PRIMA1: variants seen among roughly 807,000 people sequenced by gnomAD.
The protein encoded by PRIMA1 is proline rich membrane anchor 1.
A neutral mutation model predicts 17.5 loss-of-function variants in PRIMA1; 7 were observed. The ratio of observed to expected loss-of-function variants is 0.40; its 90% CI spans 0.23 to 0.75. PRIMA1 has a LOEUF of 0.75. Ranked by LOEUF, PRIMA1 falls within the 30% of genes least tolerant of loss-of-function variation. The probability of loss-of-function intolerance (pLI) is 0.37; values close to 1 mark genes in which losing one functional copy is unlikely to be tolerated. For missense variants in PRIMA1, 200 were observed against 201.8 expected, an observed-to-expected ratio of 0.99 and a Z score of 0.05; for synonymous variants, 97 against 77.9, an observed-to-expected ratio of 1.25 and a Z score of -1.29.
intron 3 of PRIMA1, among the ~76,000 whole-genome samples, chr14:93,759,207 C>G (rs986133808): frequency 1.3e-5 from 2 of 152,130 alleles, no homozygotes; most frequent in Non-Finnish European, 2.9e-5. Flanking sequence ...CTCAGCGGGT[C>G]TCTATTGGCT....
chr14:93,770,717 C>T lies in PRIMA1; in HGVS notation c.229+8459G>A, dbSNP rs143111953. Among the ~76,000 whole-genome samples, 475 of 152,280 alleles carry T rather than the reference C, an allele frequency of 3.1e-3. 2 individuals carry two copies. Among genetic ancestry groups the T allele is most frequent in the African/African-American group, 0.011 (456 of 41,542 alleles). On this transcript the variant is annotated intron_variant, in intron 3 of 4. Transcript: ENST00000393140. ...TTATTTCCTATACCACCATCCCATG[C>T]CCCCTCCCGCGCACACACAGAGCAA...
chr14:93,770,794 G>T (rs560118198), intron 3 of PRIMA1, among the ~76,000 whole-genome samples: 54 of 152,246 alleles, frequency 3.5e-4, no homozygotes, highest in African/African-American at 1.3e-3. Context: ...TCCACCACTA[G>T]ATTCCCAGCA....
At chr14:93,769,228 G>A (rs10148206) in intron 3 of PRIMA1, among the ~76,000 whole-genome samples, 90,992 of 152,018 alleles carry the variant, frequency 0.6, 29,548 homozygotes, top group Middle Eastern at 0.76. Flanking sequence ...ACAGTGACGA[G>A]AGATCTCATT....
chr14:93,769,383 C>T (rs540175529), intron 3 of PRIMA1, among the ~76,000 whole-genome samples: 4 of 152,328 alleles, frequency 2.6e-5, no homozygotes, highest in Non-Finnish European at 4.4e-5. Flanking sequence ...CTGGCCTGGC[C>T]TCCAGGCCCT....
chr14:93,725,171 A>G (rs139257757), intron 4 of PRIMA1, among the ~76,000 whole-genome samples: 4 of 150,536 alleles, frequency 2.7e-5, no homozygotes. Flanking sequence ...GAAAGCAGGC[A>G]GAGGGGCTTG....
Position 93,719,792 on chromosome 14 carries a change from A to G in PRIMA1, c.*1652T>C, listed in dbSNP as rs912025359. 6.6e-6 allele frequency: 1 copy of G among 152,250 alleles called. No homozygotes were observed. The highest frequency in any genetic ancestry group is 2.4e-5 in the African/African-American group (1 of 41,318). The allele number at this position is 152,250 out of a possible 1,614,324, so 9.4% of individuals were successfully genotyped here. On this transcript the variant is annotated 3_prime_UTR_variant, in exon 5 of 5. Transcript: ENST00000393140. ...CAGGGGAAGCAAAATTCAAATCTAA[A>G]CCCCAAACAAGTCCTCAAATAGAAG...
chr14:93,744,315 T>C (rs2076202833), intron 3 of PRIMA1, among the ~76,000 whole-genome samples: 1 of 152,208 alleles, frequency 6.6e-6, no homozygotes, highest in Non-Finnish European at 1.5e-5. Context: ...CTGCGGTGCC[T>C]GCTCCCACAC....
chr14:93,762,109 GC>G (rs1884750366), intron 3 of PRIMA1, among the ~76,000 whole-genome samples: 1 of 152,190 alleles, frequency 6.6e-6, no homozygotes, highest in South Asian at 2.1e-4. Context: ...CCAGGAGGCA[GC>G]TTGGGGACAC....
Position 93,780,640 on chromosome 14 carries a change from C to A in PRIMA1, c.94-1329G>T, listed in dbSNP as rs748510132. ...AAAAATACCCATGCCTGAGCCACACCGATTAAATCAAAATTTTGCAGGTGG... is the reference window on the plus strand; with the variant it reads ...AAAAATACCCATGCCTGAGCCACACAGATTAAATCAAAATTTTGCAGGTGG... On this transcript the variant is annotated intron_variant, in intron 2 of 4. Transcript: ENST00000393140. Among the ~76,000 whole-genome samples, 10 of 151,998 alleles carry A rather than the reference C, an allele frequency of 6.6e-5. No individual in the cohort carries two copies. In the East Asian group the frequency reaches 1.7e-3, roughly 26 times the overall value.
At chr14:93,746,940 G>A (rs559972523) in intron 3 of PRIMA1, among the ~76,000 whole-genome samples, 190 of 152,306 alleles carry the variant, frequency 1.2e-3, no homozygotes, top group African/African-American at 4.0e-3. Flanking sequence ...GCTTTGGGAC[G>A]GGTGTGGAGG....
intron 4 of PRIMA1, among the ~76,000 whole-genome samples, chr14:93,734,114 T>C (rs2076133267): frequency 6.6e-6 from 1 of 152,214 alleles, no homozygotes; most frequent in Non-Finnish European, 1.5e-5. Context: ...CTCTGGACTA[T>C]GAAGACCTCG....
At chr14:93,744,427 C>T (rs2076203673) in intron 3 of PRIMA1, among the ~76,000 whole-genome samples, 1 of 152,250 alleles carries the variant, frequency 6.6e-6, no homozygotes, top group South Asian at 2.1e-4. Context: ...AGGGCGTCCA[C>T]CTCCTATGGC....
rs781634485 is a variant in PRIMA1 at position 93,721,454 on chromosome 14, G to C, written c.452C>G (p.Ala151Gly). The C allele has an allele frequency of 5.6e-6, 9 of 1,610,878 alleles. No homozygotes were observed. The highest frequency in any genetic ancestry group is 7.6e-6 in the Non-Finnish European group (9 of 1,177,268). ...CCAGGGCCTGCAGACTCACACCACT[G>C]CGTTGTTCACGTCTACTCCTTTGTT... ...QSNKGVDVNN[A>G]VV The change falls in exon 5 of 5, where the codon GCA becomes GGA. Residue 151 changes from alanine (A) to glycine (G), a missense_variant. By Grantham distance (60) the Ala-to-Gly change is moderately conservative. Coordinates refer to ENST00000393140, the MANE Select transcript of PRIMA1 (RefSeq NM_178013.4).
intron 3 of PRIMA1, among the ~76,000 whole-genome samples, chr14:93,774,120 A>G (rs1885142287): frequency 1.3e-5 from 2 of 152,208 alleles, no homozygotes; most frequent in Non-Finnish European, 2.9e-5. Context: ...TTCATAGTAA[A>G]TTAGAACAAA....
intron 4 of PRIMA1, among the ~76,000 whole-genome samples, chr14:93,736,569 C>T (rs1212934049): frequency 3.3e-5 from 5 of 152,242 alleles, no homozygotes; most frequent in African/African-American, 9.6e-5. Context: ...CCGCCATGCC[C>T]GGGCCCTGCC....
At chr14:93,746,304 TG>T (rs951373449) in intron 3 of PRIMA1, among the ~76,000 whole-genome samples, 3 of 151,822 alleles carry the variant, frequency 2.0e-5, no homozygotes, top group African/African-American at 7.3e-5. Context: ...GAGCAGCTTA[TG>T]GGGGCTGAGG....
At chr14:93,764,472 T>C (rs1884830133) in intron 3 of PRIMA1, among the ~76,000 whole-genome samples, 1 of 150,176 alleles carries the variant, frequency 6.7e-6, no homozygotes, top group East Asian at 2.0e-4. Flanking sequence ...AAACTCCACA[T>C]GAGAAAAAAC....
intron 2 of PRIMA1, among the ~76,000 whole-genome samples, chr14:93,781,537 C>A (rs980946429): frequency 3.9e-5 from 6 of 152,304 alleles, no homozygotes; most frequent in Admixed American, 1.3e-4. Flanking sequence ...AAGAGAAGCA[C>A]GTTTGTTTAA....
At chr14:93,752,854 A>C (rs1383699169) in intron 3 of PRIMA1, among the ~76,000 whole-genome samples, 3 of 152,214 alleles carry the variant, frequency 2.0e-5, no homozygotes, top group African/African-American at 7.2e-5. Context: ...CCATCTGCCC[A>C]ATGGGAGTGG....
Sources: gnomAD v4.1 joint callset for allele counts (sites outside exome capture counted in the v4.1 genomes callset) on GRCh38, gnomAD v4.1.1 for gene constraint, MANE v1.5 for transcripts, NCBI Gene and HGNC (gene_info 2026-07-23, HGNC 2026-07-21) for gene names.